PCDH9: variants seen among roughly 807,000 people sequenced by gnomAD.
The protein encoded by PCDH9 is protocadherin-9.
PCDH9 carries 24 observed loss-of-function variants against 70.6 expected under a neutral mutation model. The ratio of observed to expected loss-of-function variants is 0.34; its 90% CI spans 0.25 to 0.48. PCDH9 has a LOEUF of 0.48. Among genes scored for constraint, PCDH9 ranks in the 20% least tolerant of loss-of-function variants. PCDH9 has a pLI of 0.99. For synonymous variants in PCDH9, 562 were observed against 558.5 expected, an observed-to-expected ratio of 1.01 and a Z score of -0.09; for missense variants, 1,281 against 1,503.6, an observed-to-expected ratio of 0.85 and a Z score of 2.45.
intron 4 of PCDH9, among the ~76,000 whole-genome samples, chr13:66,453,959 A>G (rs1958265699): frequency 6.6e-6 from 1 of 152,138 alleles, no homozygotes; most frequent in South Asian, 2.1e-4. Context: ...TATTTGTCTT[A>G]GGAATAATTA....
At position 66,315,012 on chromosome 13, in the gene PCDH9, G is replaced by A. The variant is rs114930016; in HGVS notation, c.3341-9984C>T. Among the ~76,000 whole-genome samples the A allele has an allele frequency of 9.6e-3, 1,462 of 152,290 alleles. 22 individuals carry two copies. The highest frequency in any genetic ancestry group is 0.033 in the African/African-American group (1,389 of 41,562). On this transcript the variant is annotated intron_variant, in intron 4 of 4. Transcript: ENST00000377865. ...GAGTGTTTTCTCCAGCTGGTGGCAG[G>A]TGGGAGTCCAGATTCCAAGGACGGG...
chr13:66,537,550 A>G (rs1037259297), intron 4 of PCDH9, among the ~76,000 whole-genome samples: 2 of 152,010 alleles, frequency 1.3e-5, no homozygotes, highest in South Asian at 4.2e-4. Flanking sequence ...TGCTTTGCAC[A>G]TTTGAAGAAT....
At chr13:67,123,199 G>A (rs897053999) in intron 2 of PCDH9, among the ~76,000 whole-genome samples, 54 of 152,192 alleles carry the variant, frequency 3.5e-4, no homozygotes, top group Admixed American at 1.7e-3. Context: ...ATTCACAAAA[G>A]GTAAGTTTCC....
chr13:66,641,108 A>G (rs896129216), intron 3 of PCDH9, among the ~76,000 whole-genome samples: 7 of 152,140 alleles, frequency 4.6e-5, no homozygotes, highest in Non-Finnish European at 7.4e-5. Flanking sequence ...CAAACTCCTG[A>G]CCTCAAAAGT....
At position 67,203,034 on chromosome 13, in the gene PCDH9, C is replaced by A. The variant is rs561883991; in HGVS notation, c.3036+22371G>T. The A allele has an allele frequency of 7.2e-5, 11 of 152,144 alleles. No individual in the cohort carries two copies. In the South Asian group the frequency reaches 2.1e-3, roughly 29 times the overall value. 9.4% of individuals were successfully genotyped at this position (152,144 alleles called of 1,614,324 possible). A position where few individuals can be genotyped will look rare whatever the true frequency, so the allele number is the denominator to read the frequency against. ...GTTGTTTTGATACAGGGTTTTAAGACCTTGATGGTAGCAAAGCAGTAATTC... is the reference window on the plus strand; with the variant it reads ...GTTGTTTTGATACAGGGTTTTAAGAACTTGATGGTAGCAAAGCAGTAATTC... On this transcript the variant is annotated intron_variant, in intron 2 of 4. Coordinates refer to ENST00000377865, the MANE Select transcript of PCDH9 (RefSeq NM_203487.3).
chr13:66,360,872 C>A (rs957280979), intron 4 of PCDH9, among the ~76,000 whole-genome samples: 1 of 151,988 alleles, frequency 6.6e-6, no homozygotes, highest in Non-Finnish European at 1.5e-5. Flanking sequence ...AAGCAATTAC[C>A]CAGCACTAGG....
chr13:66,656,625 T>C (rs2077933395), intron 3 of PCDH9, among the ~76,000 whole-genome samples: 1 of 151,662 alleles, frequency 6.6e-6, no homozygotes, highest in African/African-American at 2.4e-5. Flanking sequence ...ACTGGGGGCC[T>C]TGGGGATGGT....
intron 4 of PCDH9, among the ~76,000 whole-genome samples, chr13:66,416,970 G>T (rs998781112): frequency 2.0e-5 from 3 of 152,198 alleles, no homozygotes; most frequent in Non-Finnish European, 4.4e-5. Flanking sequence ...ATAATGTTAT[G>T]AAGTATTGGA....
chr13:67,145,146 A>G (rs1044242691), intron 2 of PCDH9, among the ~76,000 whole-genome samples: 1 of 152,096 alleles, frequency 6.6e-6, no homozygotes, highest in Non-Finnish European at 1.5e-5. Flanking sequence ...ATTACACACC[A>G]TAATACAATG....
chr13:66,598,815 G>T (rs2077132347), intron 4 of PCDH9, among the ~76,000 whole-genome samples: 1 of 151,790 alleles, frequency 6.6e-6, no homozygotes, highest in African/African-American at 2.4e-5. Context: ...ATCTCATCAG[G>T]AACAGGAGAG....
chr13:67,048,274 T>G (rs1266790421), intron 2 of PCDH9, among the ~76,000 whole-genome samples: 1 of 152,184 alleles, frequency 6.6e-6, no homozygotes, highest in Non-Finnish European at 1.5e-5. Context: ...ACTGGGTATA[T>G]GTTTCCCCAT....
chr13:67,171,930 C>A (rs777242709), intron 2 of PCDH9, among the ~76,000 whole-genome samples: 1 of 152,202 alleles, frequency 6.6e-6, no homozygotes, highest in Non-Finnish European at 1.5e-5. Context: ...ATCTGCCTTA[C>A]ATCGCCTGCT....
chr13:66,996,958 G>C (rs2084129670), intron 2 of PCDH9, among the ~76,000 whole-genome samples: 1 of 152,282 alleles, frequency 6.6e-6, no homozygotes, highest in South Asian at 2.1e-4. Context: ...CTTTGAAGTG[G>C]TGGTTAAGTT....
Position 67,048,263 on chromosome 13 carries a change from G to C in PCDH9, c.3037-144658C>G, listed in dbSNP as rs891493446. 5.3e-5 allele frequency among the ~76,000 whole-genome samples: 8 copies of C among 152,152 alleles called. 1 individual carries two copies. The highest frequency in any genetic ancestry group is 1.0e-4 in the Non-Finnish European group (7 of 68,024). On this transcript the variant is annotated intron_variant, in intron 2 of 4. Coordinates refer to ENST00000377865, the MANE Select transcript of PCDH9 (RefSeq NM_203487.3). ...CATGGAAACCAGTGTTTAATAGCTT[G>C]ACTGGGTATATGTTTCCCCATCCAT...
chr13:66,764,332 G>A (rs1475207), intron 3 of PCDH9, among the ~76,000 whole-genome samples: 56,023 of 151,120 alleles, frequency 0.37, 10,727 homozygotes, highest in East Asian at 0.57. Context: ...ACAAAGTTCA[G>A]TTAAAAGATG....
intron 4 of PCDH9, among the ~76,000 whole-genome samples, chr13:66,318,553 TA>T (rs1566237589): frequency 6.6e-6 from 1 of 152,182 alleles, no homozygotes; most frequent in Non-Finnish European, 1.5e-5. Flanking sequence ...AAGATGAAGA[TA>T]AAATTTGCAT....
At chr13:66,573,203 A>G (rs1227066016) in intron 4 of PCDH9, among the ~76,000 whole-genome samples, 1 of 146,224 alleles carries the variant, frequency 6.8e-6, no homozygotes, top group African/African-American at 2.5e-5. Context: ...CATTTTTTTC[A>G]TATACTTTTT....
intron 3 of PCDH9, among the ~76,000 whole-genome samples, chr13:66,844,421 C>G (rs996252327): frequency 6.6e-6 from 1 of 151,842 alleles, no homozygotes; most frequent in Non-Finnish European, 1.5e-5. Context: ...CCTGTCTCTA[C>G]TAAAAACACA....
At chr13:67,022,987 G>T (rs1383455047) in intron 2 of PCDH9, among the ~76,000 whole-genome samples, 1 of 152,136 alleles carries the variant, frequency 6.6e-6, no homozygotes, top group Non-Finnish European at 1.5e-5. Context: ...GATACAAATT[G>T]AATCTGAAAA....
Sources: allele counts gnomAD v4.1 joint callset (sites outside exome capture counted in the v4.1 genomes callset), GRCh38; gene constraint gnomAD v4.1.1; transcripts MANE v1.5; gene names NCBI Gene and HGNC (gene_info 2026-07-23, HGNC 2026-07-21).